The following PRKCH variants were observed in gnomAD, a reference collection of about 807,000 sequenced individuals.
The protein encoded by PRKCH is protein kinase C eta.
In PRKCH, 28 loss-of-function variants were observed where a neutral mutation model predicts 82.5. The ratio of observed to expected loss-of-function variants is 0.34; its 90% CI spans 0.25 to 0.47. The LOEUF is 0.47. Ranked by LOEUF, PRKCH falls within the 20% of genes least tolerant of loss-of-function variation. The pLI is 1.00. For synonymous variants in PRKCH, 322 were observed against 327.4 expected (o/e 0.98, Z 0.18); for missense variants, 705 against 881.8 (o/e 0.80, Z 2.54).
chr14:61,309,141 G>C (rs982781999), intron 1 of PRKCH, among the ~76,000 whole-genome samples: 1 of 152,036 alleles, frequency 6.6e-6, no homozygotes, highest in Non-Finnish European at 1.5e-5. Context: ...AAATTAGCTG[G>C]GTGTGGTGGC....
At chr14:61,422,483 G>A (rs1460168398) in intron 2 of PRKCH, among the ~76,000 whole-genome samples, 2 of 152,122 alleles carry the variant, frequency 1.3e-5, no homozygotes, top group Admixed American at 1.3e-4. Flanking sequence ...TCTCCCTCTA[G>A]TACTTTCTAG....
chr14:61,239,316 C>T (rs1050289147), intron 1 of PRKCH, among the ~76,000 whole-genome samples: 3 of 152,166 alleles, frequency 2.0e-5, no homozygotes, highest in Non-Finnish European at 2.9e-5. Context: ...ACCCCGAGAG[C>T]GGGCCAACAA....
At chr14:61,213,049 G>A (rs796598191) in intron 1 of PRKCH, among the ~76,000 whole-genome samples, 3 of 152,152 alleles carry the variant, frequency 2.0e-5, no homozygotes, top group Non-Finnish European at 2.9e-5. Flanking sequence ...GGAGAGAGGG[G>A]TGGGTAGAGA....
intron 2 of PRKCH, among the ~76,000 whole-genome samples, chr14:61,405,592 G>C (rs2140224495): frequency 6.6e-6 from 1 of 152,272 alleles, no homozygotes; most frequent in East Asian, 1.9e-4. Flanking sequence ...TGGCCAGGCT[G>C]GTCTCGAACT....
At chr14:61,491,130 G>A (rs1199028067) in intron 10 of PRKCH, among the ~76,000 whole-genome samples, 1 of 152,088 alleles carries the variant, frequency 6.6e-6, no homozygotes, top group Non-Finnish European at 1.5e-5. Context: ...TTTCATTTGA[G>A]CCTGGAGTTT....
intron 9 of PRKCH, among the ~76,000 whole-genome samples, chr14:61,467,092 G>A (rs963964660): frequency 1.3e-5 from 2 of 152,150 alleles, no homozygotes; most frequent in Non-Finnish European, 2.9e-5. Flanking sequence ...GCGAAGAAGT[G>A]GGAGAGGCAG....
Position 61,467,626 on chromosome 14 carries a change from G to A in PRKCH, c.1278+9947G>A, listed in dbSNP as rs74593521. Among the ~76,000 whole-genome samples the A allele has an allele frequency of 6.4e-3, 976 of 152,378 alleles. 8 individuals carry two copies. Among genetic ancestry groups the A allele is most frequent in the Non-Finnish European group, 0.012 (784 of 68,034 alleles). ...GGGAAGTATAGCCGAAAGGCTGGGA[G>A]ACTTTCCCCTTTACAGGCATGGGAA... On this transcript the variant is annotated intron_variant, in intron 9 of 13. Coordinates refer to ENST00000332981, the MANE Select transcript of PRKCH (RefSeq NM_006255.5).
chr14:61,436,048 C>A (rs184936247), intron 2 of PRKCH, among the ~76,000 whole-genome samples: 31 of 152,204 alleles, frequency 2.0e-4, no homozygotes, highest in African/African-American at 7.5e-4. Context: ...AATGGGAGGT[C>A]AGGACTCTCC....
At chr14:61,227,923 G>A (rs2044710465) in intron 1 of PRKCH, among the ~76,000 whole-genome samples, 1 of 152,108 alleles carries the variant, frequency 6.6e-6, no homozygotes, top group Non-Finnish European at 1.5e-5. Context: ...CGTTTTGCTA[G>A]CAATTTGCTT....
intron 11 of PRKCH, among the ~76,000 whole-genome samples, chr14:61,530,036 G>A (rs796405786): frequency 1.3e-4 from 20 of 152,188 alleles, no homozygotes; most frequent in African/African-American, 3.6e-4. Flanking sequence ...TAATTTCAGC[G>A]TCATTTAGCA....
intron 3 of PRKCH, 30 bp downstream of exon 3, chr14:61,443,291 C>G: frequency 6.3e-7 from 1 of 1,598,978 alleles, no homozygotes; most frequent in Non-Finnish European, 8.5e-7. Context: ...CTGTCCTCCT[C>G]AGAGCTTCCA....
intron 1 of PRKCH, among the ~76,000 whole-genome samples, chr14:61,286,212 A>G (rs2045312533): frequency 6.6e-6 from 1 of 152,168 alleles, no homozygotes. Context: ...GGCAGCTTTT[A>G]TTTAAAAAGA....
chr14:61,219,791 A>C (rs904227715), intron 1 of PRKCH, among the ~76,000 whole-genome samples: 1 of 152,202 alleles, frequency 6.6e-6, no homozygotes, highest in African/African-American at 2.4e-5. Context: ...TTCTTTATAA[A>C]TCTTATTTCA....
chr14:61,419,045 G>A (rs1302536223), intron 2 of PRKCH, among the ~76,000 whole-genome samples: 3 of 152,134 alleles, frequency 2.0e-5, no homozygotes, highest in Non-Finnish European at 4.4e-5. Context: ...CTTGCCTGCC[G>A]TTATGTCCTA....
At chr14:61,361,630 A>G (rs2046226385) in intron 1 of PRKCH, among the ~76,000 whole-genome samples, 1 of 152,184 alleles carries the variant, frequency 6.6e-6, no homozygotes, top group South Asian at 2.1e-4. Context: ...GGGATCAGAT[A>G]GACTGGGAAT....
intron 1 of PRKCH, among the ~76,000 whole-genome samples, chr14:61,216,307 A>C (rs2044616042): frequency 6.6e-6 from 1 of 151,974 alleles, no homozygotes; most frequent in South Asian, 2.1e-4. Context: ...CTCTACTAAA[A>C]ATACAAAATT....
At chr14:61,309,669 C>T (rs563941841) in intron 1 of PRKCH, among the ~76,000 whole-genome samples, 20 of 152,174 alleles carry the variant, frequency 1.3e-4, no homozygotes, top group South Asian at 8.3e-4. Context: ...ATTGTCAAAT[C>T]CCAATATTTG....
intron 1 of PRKCH, among the ~76,000 whole-genome samples, chr14:61,246,196 A>G (rs1237164917): frequency 6.6e-6 from 1 of 151,524 alleles, no homozygotes; most frequent in African/African-American, 2.4e-5. Flanking sequence ...ACCTGAGGTC[A>G]GGAGTTCAAC....
intron 2 of PRKCH, among the ~76,000 whole-genome samples, chr14:61,434,220 A>C (rs1883565334): frequency 6.6e-6 from 1 of 152,206 alleles, no homozygotes; most frequent in South Asian, 2.1e-4. Flanking sequence ...ACCAGGATAC[A>C]TTATCTTGTT....
Sources: gnomAD v4.1 joint callset for allele counts (sites outside exome capture counted in the v4.1 genomes callset) on GRCh38, gnomAD v4.1.1 for gene constraint, MANE v1.5 for transcripts, NCBI Gene and HGNC (gene_info 2026-07-23, HGNC 2026-07-21) for gene names.